The following SEMA3A variants were observed in gnomAD, a reference collection of about 807,000 sequenced individuals.
SEMA3A encodes the protein semaphorin-3A.
SEMA3A carries 29 observed loss-of-function variants against 97.9 expected under a neutral mutation model. That is an observed-to-expected ratio of 0.30 (90% confidence interval 0.22 to 0.40). The LOEUF (loss-of-function observed/expected upper bound fraction) is 0.40, where lower values mean the gene tolerates loss of function less well. Ranked by LOEUF, SEMA3A falls within the 10% of genes least tolerant of loss-of-function variation. The pLI is 1.00. For synonymous variants in SEMA3A, 321 were observed against 323.7 expected (o/e 0.99, Z 0.09); for missense variants, 763 against 951.3 (o/e 0.80, Z 2.60).
intron 3 of SEMA3A, among the ~76,000 whole-genome samples, chr7:84,266,871 T>G (rs1158010112): frequency 6.6e-6 from 1 of 152,174 alleles, no homozygotes; most frequent in Non-Finnish European, 1.5e-5. Flanking sequence ...TTACAGATTA[T>G]TTATCATTAT....
At chr7:84,469,368 G>A (rs531770775) in intron 1 of SEMA3A, among the ~76,000 whole-genome samples, 2 of 152,074 alleles carry the variant, frequency 1.3e-5, no homozygotes, top group African/African-American at 4.8e-5. Context: ...GGTTTAAACA[G>A]AAGAAAAGAG....
At chr7:84,322,968 AC>A (rs142817778) in intron 2 of SEMA3A, among the ~76,000 whole-genome samples, 6,862 of 152,192 alleles carry the variant, frequency 0.045, 509 homozygotes, top group African/African-American at 0.16. Flanking sequence ...ACTTGATTCT[AC>A]CACTGCATTC....
At chr7:84,417,232 C>T (rs971298392) in intron 1 of SEMA3A, among the ~76,000 whole-genome samples, 1 of 151,996 alleles carries the variant, frequency 6.6e-6, no homozygotes, top group Non-Finnish European at 1.5e-5. Flanking sequence ...TAATACAAGA[C>T]TCACTACAAA....
At chr7:84,425,746 G>A (rs949026776) in intron 1 of SEMA3A, among the ~76,000 whole-genome samples, 2 of 148,888 alleles carry the variant, frequency 1.3e-5, no homozygotes, top group African/African-American at 4.9e-5. Context: ...TCTGAGGTTC[G>A]CAGATCACAA....
rs1351256340 is a variant in SEMA3A, at chr7:84,065,331, T to C, written c.454-4773A>G. ...AAGAGAAAGCAGGAAAGATCCAAAA[T>C]TGACACCCTAACATCACAATTAAAA... is the stretch of plus-strand genomic sequence containing the variant. On this transcript the variant is annotated intron_variant, in intron 4 of 16. Coordinates refer to ENST00000265362, the MANE Select transcript of SEMA3A (RefSeq NM_006080.3). Among the ~76,000 whole-genome samples the C allele has an allele frequency of 1.8e-4, 22 of 122,774 alleles. No individual in the cohort carries two copies. In the Admixed American group the frequency reaches 1.8e-3, roughly 10 times the overall value. 80.5% of individuals were successfully genotyped at this position (122,774 alleles called of 152,430 possible).
chr7:84,140,185 C>T (rs1046486013), intron 1 of SEMA3A, among the ~76,000 whole-genome samples: 1 of 152,054 alleles, frequency 6.6e-6, no homozygotes, highest in African/African-American at 2.4e-5. Context: ...TGATGATTCA[C>T]CCCTACATAC....
intron 2 of SEMA3A, among the ~76,000 whole-genome samples, chr7:84,356,312 A>C (rs1002445579): frequency 3.3e-5 from 5 of 151,746 alleles, no homozygotes; most frequent in Non-Finnish European, 5.9e-5. Context: ...ATTATTTATT[A>C]TAACTAAATG....
At chr7:84,380,507 G>A (rs1271654989) in intron 1 of SEMA3A, among the ~76,000 whole-genome samples, 2 of 152,154 alleles carry the variant, frequency 1.3e-5, no homozygotes, top group Non-Finnish European at 2.9e-5. Flanking sequence ...AGCACATCTT[G>A]GGTAGGCAGT....
chr7:84,259,150 C>G (rs1376783624), intron 3 of SEMA3A, among the ~76,000 whole-genome samples: 2 of 152,068 alleles, frequency 1.3e-5, no homozygotes, highest in African/African-American at 4.8e-5. Flanking sequence ...ATTAAAAAAT[C>G]CACATGTATT....
chr7:84,321,870 C>T (rs866340758), intron 2 of SEMA3A, among the ~76,000 whole-genome samples: 6 of 17,722 alleles, frequency 3.4e-4, no homozygotes, highest in East Asian at 1.6e-3. Context: ...AGCGAGACTA[C>T]GGAAAAAAAA....
At chr7:84,066,619 C>A (rs948677211) in intron 4 of SEMA3A, among the ~76,000 whole-genome samples, 8 of 148,582 alleles carry the variant, frequency 5.4e-5, no homozygotes, top group Admixed American at 5.3e-4. Flanking sequence ...CATTCTTATA[C>A]ATCATCAACA....
chr7:84,340,516 C>T (rs559478701), intron 2 of SEMA3A, among the ~76,000 whole-genome samples: 4 of 152,104 alleles, frequency 2.6e-5, no homozygotes, highest in East Asian at 1.9e-4. Context: ...CAGTGGCTCA[C>T]GCCTGTAATC....
intron 6 of SEMA3A, 33 bp downstream of exon 6, chr7:84,046,291 T>A (rs1792345316): frequency 6.2e-7 from 1 of 1,610,126 alleles, no homozygotes; most frequent in African/African-American, 1.3e-5. Flanking sequence ...GTTACACATG[T>A]TACATGTCTA....
intron 2 of SEMA3A, among the ~76,000 whole-genome samples, chr7:84,367,307 C>T (rs867194366): frequency 2.0e-5 from 3 of 151,304 alleles, no homozygotes; most frequent in Non-Finnish European, 3.0e-5. Flanking sequence ...TGATTTAATT[C>T]AGGTTATATG....
chr7:84,313,898 C>A lies in SEMA3A; in HGVS notation c.-168-6606G>T, dbSNP rs112850645. 9.9e-5 allele frequency among the ~76,000 whole-genome samples: 15 copies of A among 152,010 alleles called. 1 individual carries two copies. The highest frequency in any genetic ancestry group is 3.6e-4 in the African/African-American group (15 of 41,518). On this transcript the variant is annotated intron_variant, in intron 2 of 3. Coordinates refer to the SEMA3A transcript ENST00000424555. ...TGGTCTTAATCATTTTAACAATAGGCTTTCATTCTTTACATTATCTGATAA... is the reference window on the plus strand; with the variant it reads ...TGGTCTTAATCATTTTAACAATAGGATTTCATTCTTTACATTATCTGATAA...
intron 3 of SEMA3A, among the ~76,000 whole-genome samples, chr7:84,283,373 T>A (rs1800498547): frequency 6.6e-6 from 1 of 152,112 alleles, no homozygotes; most frequent in Non-Finnish European, 1.5e-5. Context: ...CTGCACTCAT[T>A]TTTCTCCTCA....
chr7:84,447,694 C>G (rs910548759), intron 1 of SEMA3A, among the ~76,000 whole-genome samples: 5 of 152,198 alleles, frequency 3.3e-5, no homozygotes, highest in African/African-American at 9.6e-5. Context: ...TGCTCACCCT[C>G]CAGTTGTCCG....
chr7:84,304,414 T>C (rs1801102183), intron 3 of SEMA3A, among the ~76,000 whole-genome samples: 1 of 151,936 alleles, frequency 6.6e-6, no homozygotes, highest in South Asian at 2.1e-4. Context: ...AAGAAAAATA[T>C]TTTTCACTTC....
chr7:83,992,731 C>A (rs1439011400), intron 12 of SEMA3A, among the ~76,000 whole-genome samples: 21 of 151,936 alleles, frequency 1.4e-4, no homozygotes, highest in East Asian at 7.8e-4. Context: ...GGAGAGCTTC[C>A]CTTCCAAGTA....
Sources: gnomAD v4.1 joint callset for allele counts (sites outside exome capture counted in the v4.1 genomes callset) on GRCh38, gnomAD v4.1.1 for gene constraint, MANE v1.5 for transcripts, NCBI Gene and HGNC (gene_info 2026-07-23, HGNC 2026-07-21) for gene names.